LRRC74A: variants seen among roughly 807,000 people sequenced by gnomAD.
LRRC74A encodes the protein leucine rich repeat containing 74A, also known as leucine-rich repeat-containing protein 74A.
A neutral mutation model predicts 57.9 loss-of-function variants in LRRC74A; 44 were observed. That is an observed-to-expected ratio of 0.76 (90% CI 0.60 to 0.98). The LOEUF (loss-of-function observed/expected upper bound fraction) is 0.98, where lower values mean the gene tolerates loss of function less well. Ranked by LOEUF, LRRC74A falls within the 50% of genes least tolerant of loss-of-function variation. The probability of loss-of-function intolerance (pLI) is 0.00; values close to 1 mark genes in which losing one functional copy is unlikely to be tolerated. For missense variants in LRRC74A, 572 were observed against 574.0 expected (o/e 1.00, Z 0.04); for synonymous variants, 211 against 219.4 (o/e 0.96, Z 0.34).
chr14:76,846,227 G>A (rs1405929853), intron 7 of LRRC74A, among the ~76,000 whole-genome samples: 1 of 152,210 alleles, frequency 6.6e-6, no homozygotes, highest in African/African-American at 2.4e-5. Context: ...AGAAATGAAA[G>A]GTTCTCCTTG....
chr14:76,853,267 G>A lies in LRRC74A; in HGVS notation c.814G>A (p.Glu272Lys). ...TCTCTCCATGAATGGCTTTGGGAAT[G>A]AGGTGGCTCTGGCCCTAGGGGAAGT... ...LDLSMNGFGN[E>K]VALALGEVLR... The change falls in exon 9 of 14, where the codon GAG (glutamate) becomes AAG (lysine). Residue 272 changes from glutamate to lysine, a missense_variant. Transcript: ENST00000689127. The A allele has an allele frequency of 6.2e-7, 1 of 1,613,706 alleles. No homozygotes were observed. Among genetic ancestry groups the A allele is most frequent in the Non-Finnish European group, 8.5e-7 (1 of 1,179,614 alleles).
At chr14:76,841,747 C>G (rs981669531) in intron 5 of LRRC74A, among the ~76,000 whole-genome samples, 6 of 136,934 alleles carry the variant, frequency 4.4e-5, no homozygotes, top group Middle Eastern at 4.0e-3. Context: ...GAGTTTCACT[C>G]TTGTTGCCAG....
chr14:76,863,208 G>GTGTGTC (rs1281744379), intron 11 of LRRC74A, among the ~76,000 whole-genome samples: 8 of 151,776 alleles, frequency 5.3e-5, no homozygotes. Context: ...GTGTGTGTGT[G>GTGTGTC]TGTGTGTTGG....
In LRRC74A at chr14:76,867,408, T is replaced by C. The variant is rs780438068; in HGVS notation, c.1361T>C (p.Leu454Pro). 2.5e-6 allele frequency: 4 copies of C among 1,602,860 alleles called. No homozygotes were observed. Among genetic ancestry groups the C allele is most frequent in the South Asian group, 2.2e-5 (2 of 90,808 alleles). The change falls in exon 13 of 14, where the codon CTC becomes CCC. Residue 454 changes from leucine to proline, a missense_variant. By Grantham distance (98) the Leu-to-Pro change is moderately conservative. Transcript: ENST00000689127. ...CAGGTCAGGGAGGTGATAAAGAAGC[T>C]CGATGAGAAGACAGGCATGGTGAAC... Reference protein sequence around the residue: ...QYQVREVIKKLDEKTGMVNFS... With the variant: ...QYQVREVIKKPDEKTGMVNFS...
intron 7 of LRRC74A, among the ~76,000 whole-genome samples, chr14:76,846,050 GAGT>G (rs536323600): frequency 6.6e-4 from 101 of 152,310 alleles, no homozygotes; most frequent in Middle Eastern, 3.4e-3. Context: ...AACAGACAGG[GAGT>G]AGATATTTGC....
At chr14:76,848,502 G>A (rs1344510610) in intron 7 of LRRC74A, among the ~76,000 whole-genome samples, 1 of 151,946 alleles carries the variant, frequency 6.6e-6, no homozygotes, top group Non-Finnish European at 1.5e-5. Context: ...CCAGGAGTTA[G>A]AGGTTATCGT....
intron 12 of LRRC74A, 51 bp downstream of exon 12, chr14:76,866,126 T>C (rs535945793): frequency 1.5e-6 from 2 of 1,339,592 alleles, no homozygotes; most frequent in African/African-American, 1.4e-5. Flanking sequence ...GAGTGTGAGT[T>C]TGTGTGTCAG....
At chr14:76,852,758 A>G (rs1897597171) in intron 8 of LRRC74A, among the ~76,000 whole-genome samples, 2 of 151,680 alleles carry the variant, frequency 1.3e-5, no homozygotes, top group African/African-American at 4.8e-5. Flanking sequence ...AGCTGAGACT[A>G]CAGGTGCCCG....
At chr14:76,829,017 G>T in intron 2 of LRRC74A, 1 of 1,289,318 alleles carries the variant, frequency 7.8e-7, no homozygotes, top group African/African-American at 1.5e-5. Context: ...GCATGCCTGG[G>T]TATCGGGACT....
chr14:76,856,302 G>A (rs536057716), intron 9 of LRRC74A, among the ~76,000 whole-genome samples: 2 of 152,232 alleles, frequency 1.3e-5, no homozygotes, highest in African/African-American at 4.8e-5. Flanking sequence ...TATGCTGCAT[G>A]CTCCTTTCCT....
At chr14:76,838,551 G>A (rs1896531097) in intron 5 of LRRC74A, among the ~76,000 whole-genome samples, 1 of 152,188 alleles carries the variant, frequency 6.6e-6, no homozygotes, top group South Asian at 2.1e-4. Flanking sequence ...CTAGTTTCCA[G>A]AAGGAGAAGA....
At chr14:76,835,028 G>T (rs1207892159) in intron 3 of LRRC74A, among the ~76,000 whole-genome samples, 1 of 152,138 alleles carries the variant, frequency 6.6e-6, no homozygotes, top group Non-Finnish European at 1.5e-5. Context: ...TACTTCTCTT[G>T]CTCCTTAGTG....
chr14:76,828,023 G>T (rs1384403305), intron 1 of LRRC74A, among the ~76,000 whole-genome samples: 3 of 152,316 alleles, frequency 2.0e-5, no homozygotes, highest in East Asian at 3.9e-4. Context: ...TCCAAGGCAC[G>T]CCTCAGACAG....
chr14:76,830,158 A>AGTT (rs1163656904), intron 2 of LRRC74A, among the ~76,000 whole-genome samples: 1 of 152,226 alleles, frequency 6.6e-6, no homozygotes, highest in Non-Finnish European at 1.5e-5. Context: ...TCTAATTTGT[A>AGTT]GTTGTGCTTG....
Position 76,831,298 on chromosome 14 carries a change from A to G in LRRC74A, c.262A>G (p.Met88Val), listed in dbSNP as rs200822356. Reference sequence around the variant, plus strand: ...GCCTGTCTCCTACTTCATTCGGAACATGGAGGAGTCCTACGTGAACCTCAA... The same window carrying G: ...GCCTGTCTCCTACTTCATTCGGAACGTGGAGGAGTCCTACGTGAACCTCAA... ...VVPVSYFIRN[M>V]EESYVNLNHH... The change falls in exon 3 of 14, where the codon ATG (methionine) becomes GTG (valine). Residue 88 changes from methionine (M) to valine (V), a missense_variant. Transcript: ENST00000689127. 1.8e-4 allele frequency: 295 copies of G among 1,613,922 alleles called. No homozygotes were observed. Among genetic ancestry groups the G allele is most frequent in the Non-Finnish European group, 4.4e-5 (52 of 1,179,896 alleles).
chr14:76,830,778 C>A (rs1895916491), intron 2 of LRRC74A, among the ~76,000 whole-genome samples: 1 of 152,056 alleles, frequency 6.6e-6, no homozygotes, highest in Non-Finnish European at 1.5e-5. Flanking sequence ...GGCGGTGAAA[C>A]TAAAAGTGAA....
At chr14:76,850,190 A>T (rs1325102175) in intron 7 of LRRC74A, among the ~76,000 whole-genome samples, 1 of 152,198 alleles carries the variant, frequency 6.6e-6, no homozygotes, top group Non-Finnish European at 1.5e-5. Context: ...CCTGGGCGAC[A>T]GACGGAGACC....
At position 76,836,200 on chromosome 14, in the gene LRRC74A, G is replaced by A. The variant is rs775264674; in HGVS notation, c.340-7G>A. The stretch of plus-strand genomic sequence containing the variant: ...TGTCTCTCTCCCTCCCCTTGTGCTG[G>A]CTGAAGTCCAACATGGCTGTTACCA... On this transcript the variant is annotated splice_region_variant and splice_polypyrimidine_tract_variant and intron_variant, in intron 3 of 13. Coordinates refer to ENST00000689127, the MANE Select transcript of LRRC74A (RefSeq NM_001385106.1). The A allele has an allele frequency of 1.9e-6, 3 of 1,607,592 alleles. No homozygotes were observed. Among genetic ancestry groups the A allele is most frequent in the African/African-American group, 2.7e-5 (2 of 74,902 alleles).
chr14:76,847,688 T>TA (rs34780005), intron 7 of LRRC74A, among the ~76,000 whole-genome samples: 58 of 144,802 alleles, frequency 4.0e-4, no homozygotes, highest in Middle Eastern at 3.6e-3. Context: ...ACTTAAAATT[T>TA]AAAAAAAAAA....
Sources: allele counts gnomAD v4.1 joint callset (sites outside exome capture counted in the v4.1 genomes callset), GRCh38; gene constraint gnomAD v4.1.1; transcripts MANE v1.5; gene names NCBI Gene and HGNC (gene_info 2026-07-23, HGNC 2026-07-21).